SORBS2: variants seen among roughly 807,000 people sequenced by gnomAD.
The protein encoded by SORBS2 is sorbin and SH3 domain-containing protein 2.
A neutral mutation model predicts 97.7 loss-of-function variants in SORBS2; 46 were observed. That is an observed-to-expected ratio of 0.47 (90% CI 0.37 to 0.60). SORBS2 has a LOEUF of 0.60. Ranked by LOEUF, SORBS2 falls within the 20% of genes least tolerant of loss-of-function variation. The pLI is 0.00. For synonymous variants in SORBS2, 476 were observed against 473.4 expected, an observed-to-expected ratio of 1.01 and a Z score of -0.07; for missense variants, 1,316 against 1,282.3, an observed-to-expected ratio of 1.03 and a Z score of -0.40.
intron 1 of SORBS2, among the ~76,000 whole-genome samples, chr4:185,914,595 G>T (rs923943262): frequency 2.0e-5 from 3 of 152,184 alleles, no homozygotes; most frequent in Non-Finnish European, 4.4e-5. Flanking sequence ...TACCGTGAAC[G>T]CACGTTCATT....
intron 1 of SORBS2, among the ~76,000 whole-genome samples, chr4:185,922,292 GC>G (rs35230852): frequency 0.51 from 77,397 of 151,962 alleles, 20,149 homozygotes; most frequent in Middle Eastern, 0.62. Flanking sequence ...CTCTGTCCCA[GC>G]CCCTCATTGG....
At chr4:185,919,048 T>A (rs2099259708) in intron 1 of SORBS2, among the ~76,000 whole-genome samples, 1 of 152,198 alleles carries the variant, frequency 6.6e-6, no homozygotes. Context: ...ATCAGTGTAG[T>A]ATTTGCATAG....
intron 2 of SORBS2, among the ~76,000 whole-genome samples, chr4:185,733,635 A>C (rs2098661270): frequency 6.6e-6 from 1 of 152,202 alleles, no homozygotes; most frequent in Non-Finnish European, 1.5e-5. Flanking sequence ...TAGACACTAC[A>C]TGGGAAGGGA....
chr4:185,790,763 TTTATCACTAAACAACTGGCTTTA>T, intron 1 of SORBS2, among the ~76,000 whole-genome samples: 1 of 152,200 alleles, frequency 6.6e-6, no homozygotes, highest in East Asian at 1.9e-4. Flanking sequence ...CTAAAATATG[TTTATCACTAAACAACTGGCTTTA>T]TTTAGGGAAC....
intron 4 of SORBS2, among the ~76,000 whole-genome samples, chr4:185,672,626 A>C (rs1282558867): frequency 6.6e-6 from 1 of 152,268 alleles, no homozygotes; most frequent in African/African-American, 2.4e-5. Context: ...GAGAATTTCT[A>C]ACAGTGACCT....
chr4:185,897,091 T>C (rs1400797981), intron 1 of SORBS2, among the ~76,000 whole-genome samples: 1 of 146,314 alleles, frequency 6.8e-6, no homozygotes, highest in African/African-American at 2.8e-5. Context: ...TCAGCCCAAT[T>C]CTCCCCTGAG....
intron 1 of SORBS2, among the ~76,000 whole-genome samples, chr4:185,950,200 C>T (rs981213282): frequency 2.0e-5 from 3 of 150,590 alleles, no homozygotes; most frequent in South Asian, 2.1e-4. Context: ...TGCAGCGAGC[C>T]GAGATTGTGC....
At chr4:185,829,771 T>C (rs931097785) in intron 1 of SORBS2, among the ~76,000 whole-genome samples, 5 of 152,234 alleles carry the variant, frequency 3.3e-5, no homozygotes, top group Non-Finnish European at 7.3e-5. Flanking sequence ...TATTTCATAA[T>C]GTCACAATAT....
intron 1 of SORBS2, among the ~76,000 whole-genome samples, chr4:185,885,108 G>A (rs182415365): frequency 6.6e-6 from 1 of 152,314 alleles, no homozygotes; most frequent in Non-Finnish European, 1.5e-5. Flanking sequence ...GTGCAATCCA[G>A]CAAAACTGAA....
At position 185,778,981 on chromosome 4, in the gene SORBS2, G is replaced by A. The variant is rs189852033; in HGVS notation, c.-337-3615C>T. 1.1e-4 allele frequency among the ~76,000 whole-genome samples: 17 copies of A among 152,250 alleles called. No individual in the cohort carries two copies. The East Asian group carries it at 2.1e-3, about 19-fold the overall frequency. On this transcript the variant is annotated intron_variant, in intron 1 of 20. Transcript: ENST00000284776. ...GTCTGAATAACCTCATTAGTTTGCCGAATGACTTCTCACATTTTCAGGCGG... is the reference window on the plus strand; with the variant it reads ...GTCTGAATAACCTCATTAGTTTGCCAAATGACTTCTCACATTTTCAGGCGG...
chr4:185,683,014 C>CAAAAAAAAAAAA (rs35410308), intron 2 of SORBS2, among the ~76,000 whole-genome samples: 1 of 109,452 alleles, frequency 9.1e-6, no homozygotes, highest in Admixed American at 1.0e-4. Context: ...CCACCCGTCT[C>CAAAAAAAAAAAA]AAAAAAAAAA....
At chr4:185,881,481 A>G (rs1457742036) in intron 1 of SORBS2, among the ~76,000 whole-genome samples, 3 of 152,232 alleles carry the variant, frequency 2.0e-5, no homozygotes, top group Non-Finnish European at 2.9e-5. Flanking sequence ...AAGCATGAAG[A>G]AAGAATTTTC....
intron 4 of SORBS2, chr4:185,677,555 T>C (rs2097807088): frequency 1.3e-6 from 2 of 1,547,348 alleles, no homozygotes; most frequent in Non-Finnish European, 1.7e-6. Context: ...TGTTAGTTAC[T>C]AACTGGTCTA....
At chr4:185,708,850 T>C (rs1057182353) in intron 2 of SORBS2, among the ~76,000 whole-genome samples, 6 of 152,168 alleles carry the variant, frequency 3.9e-5, no homozygotes, top group Non-Finnish European at 8.8e-5. Context: ...TTCTAGAGAG[T>C]TTCATGTTAT....
intron 7 of SORBS2, among the ~76,000 whole-genome samples, chr4:185,621,500 C>A (rs2096719216): frequency 6.6e-6 from 1 of 152,074 alleles, no homozygotes; most frequent in South Asian, 2.1e-4. Flanking sequence ...GAGAAGGTAG[C>A]TAATTTATTA....
chr4:185,917,048 T>A (rs1441642644), intron 1 of SORBS2, among the ~76,000 whole-genome samples: 4 of 152,162 alleles, frequency 2.6e-5, no homozygotes, highest in Non-Finnish European at 4.4e-5. Context: ...GCCAATGGTT[T>A]AATTAATCAC....
At chr4:185,773,758 G>A (rs1249967626) in intron 2 of SORBS2, 5 of 152,248 alleles carry the variant, frequency 3.3e-5, no homozygotes, top group African/African-American at 4.8e-5. Context: ...CTTGGGGTGG[G>A]AAAGAAGAAG....
chr4:185,832,646 C>T (rs1418737125), intron 1 of SORBS2, among the ~76,000 whole-genome samples: 2 of 152,194 alleles, frequency 1.3e-5, no homozygotes, highest in East Asian at 1.9e-4. Context: ...TTACTCTCAT[C>T]CCAAGCTTAA....
intron 1 of SORBS2, among the ~76,000 whole-genome samples, chr4:185,798,026 C>T (rs893066047): frequency 6.6e-6 from 1 of 152,158 alleles, no homozygotes; most frequent in Non-Finnish European, 1.5e-5. Context: ...TGAACAGTCA[C>T]CAAGAGTAGC....
Sources: allele counts gnomAD v4.1 joint callset (sites outside exome capture counted in the v4.1 genomes callset), GRCh38; gene constraint gnomAD v4.1.1; transcripts MANE v1.5; gene names NCBI Gene and HGNC (gene_info 2026-07-23, HGNC 2026-07-21).